The following ICA1 variants were observed in gnomAD, a reference collection of about 807,000 sequenced individuals.
The protein encoded by ICA1 is islet cell autoantigen 1.
A neutral mutation model predicts 71.0 loss-of-function variants in ICA1; 40 were observed. The observed-to-expected ratio is 0.56, with a 90% confidence interval of 0.44 to 0.73. ICA1 has a LOEUF of 0.73. Among genes scored for constraint, ICA1 ranks in the 30% least tolerant of loss-of-function variants. The pLI, the probability that ICA1 is intolerant of heterozygous loss-of-function variation, is 0.00. For synonymous variants in ICA1, 207 were observed against 209.5 expected (o/e 0.99, Z 0.10); for missense variants, 578 against 576.5 (o/e 1.00, Z -0.03).
intron 8 of ICA1, among the ~76,000 whole-genome samples, chr7:8,154,652 T>C (rs536287165): frequency 3.3e-5 from 5 of 152,308 alleles, no homozygotes; most frequent in East Asian, 3.9e-4. Context: ...AAAATGGCCA[T>C]TATCAACACA....
Position 8,218,352 on chromosome 7 carries a change from G to A in ICA1, c.532C>T (p.Gln178Ter). The A allele has an allele frequency of 6.2e-7, 1 of 1,614,098 alleles. No individual in the cohort carries two copies. The highest frequency in any genetic ancestry group is 8.5e-7 in the Non-Finnish European group (1 of 1,180,006). The change falls in exon 6 of 14, where the codon CAG (glutamine) becomes TAG (stop). Residue 178 changes from glutamine (Q) to a stop codon, truncating the protein, a stop_gained. Coordinates refer to ENST00000402384, the MANE Select transcript of ICA1 (RefSeq NM_001136020.3). LOFTEE classifies it high-confidence loss of function. Reference sequence around the variant, plus strand: ...TTGTAGAGGTCTGGATCAAGCTCCTGAGACACGTCCTTCATCCATAATAGT... The same window carrying A: ...TTGTAGAGGTCTGGATCAAGCTCCTAAGACACGTCCTTCATCCATAATAGT... The part of the protein sequence containing the change: ...GALLWMKDVS[Q>*]ELDPDLYKQM...
intron 8 of ICA1, among the ~76,000 whole-genome samples, chr7:8,146,722 TGTGC>T (rs1385863034): frequency 3.9e-5 from 2 of 51,272 alleles, no homozygotes; most frequent in African/African-American, 8.6e-5. Context: ...CAGGCACGTG[TGTGC>T]GTGTGTGTGC....
At chr7:8,242,082 G>A (rs1257798847) in intron 1 of ICA1, among the ~76,000 whole-genome samples, 1 of 152,086 alleles carries the variant, frequency 6.6e-6, no homozygotes, top group Non-Finnish European at 1.5e-5. Flanking sequence ...GACATCTACA[G>A]AACTCTCCAC....
intron 6 of ICA1, among the ~76,000 whole-genome samples, chr7:8,216,655 C>T (rs1795505504): frequency 6.6e-6 from 1 of 151,276 alleles, no homozygotes. Context: ...TTACCTGGCA[C>T]ATAGGAGGTG....
chr7:8,119,607 A>G (rs1410059720), intron 13 of ICA1, among the ~76,000 whole-genome samples: 1 of 152,214 alleles, frequency 6.6e-6, no homozygotes, highest in African/African-American at 2.4e-5. Flanking sequence ...GCACTTTGGG[A>G]AGCCAAAGCA....
At chr7:8,235,812 C>T in intron 2 of ICA1, 98 bp downstream of exon 2, 1 of 1,245,930 alleles carries the variant, frequency 8.0e-7, no homozygotes, top group Non-Finnish European at 1.2e-6. Context: ...ATACTTACTG[C>T]CAATGTATCT....
At chr7:8,231,037 G>A (rs1012495086) in intron 3 of ICA1, among the ~76,000 whole-genome samples, 1 of 150,280 alleles carries the variant, frequency 6.7e-6, no homozygotes. Context: ...TGAGTACTAC[G>A]AATAAAATAA....
chr7:8,149,809 G>C (rs1016194449), intron 8 of ICA1, among the ~76,000 whole-genome samples: 4 of 152,198 alleles, frequency 2.6e-5, no homozygotes, highest in Admixed American at 6.5e-5. Flanking sequence ...AAATAGTGGG[G>C]CATGTTTAAA....
rs1011105126 is a variant in ICA1 at position 8,222,219 on chromosome 7, C to T, written c.257-821G>A. Among the ~76,000 whole-genome samples the T allele has an allele frequency of 2.0e-5, 3 of 151,952 alleles. No homozygotes were observed. The highest frequency in any genetic ancestry group is 1.3e-4 in the Admixed American group (2 of 15,252). On this transcript the variant is annotated intron_variant, in intron 4 of 13. Transcript: ENST00000402384. This position sits in a 1 kb window ranked among gnomAD's most constrained non-coding sequence, Gnocchi z 4.8. Reference sequence around the variant, plus strand: ...AGCATCATTATTTATAATAGTGAAACACTCTCCTTATACTAGGAACTAGTT... The same window carrying T: ...AGCATCATTATTTATAATAGTGAAATACTCTCCTTATACTAGGAACTAGTT...
At chr7:8,115,856 A>G (rs1784627979) in intron 13 of ICA1, among the ~76,000 whole-genome samples, 1 of 152,202 alleles carries the variant, frequency 6.6e-6, no homozygotes, top group Non-Finnish European at 1.5e-5. Flanking sequence ...ACAACTATGA[A>G]ACCTGGCCCT....
intron 6 of ICA1, among the ~76,000 whole-genome samples, chr7:8,177,547 C>T (rs1377123404): frequency 6.6e-6 from 1 of 152,090 alleles, no homozygotes; most frequent in Non-Finnish European, 1.5e-5. Flanking sequence ...ATTGGTATTT[C>T]CTTTATTTTT....
At chr7:8,121,535 G>A (rs993569761) in intron 13 of ICA1, among the ~76,000 whole-genome samples, 5 of 152,108 alleles carry the variant, frequency 3.3e-5, no homozygotes, top group African/African-American at 9.7e-5. Flanking sequence ...ACTCATTTGC[G>A]GGAGCTAAAA....
chr7:8,176,647 C>T (rs532698350), intron 6 of ICA1, among the ~76,000 whole-genome samples: 3 of 152,182 alleles, frequency 2.0e-5, no homozygotes. Context: ...ACTCCTCAGG[C>T]CTTGCTTTTC....
chr7:8,236,551 C>T (rs559671139), intron 1 of ICA1, among the ~76,000 whole-genome samples: 10 of 152,170 alleles, frequency 6.6e-5, no homozygotes, highest in African/African-American at 2.4e-4. Context: ...AAGAAACAAA[C>T]CAGCACATTG....
intron 1 of ICA1, among the ~76,000 whole-genome samples, chr7:8,237,620 C>G (rs749478946): frequency 6.6e-6 from 1 of 152,094 alleles, no homozygotes; most frequent in Non-Finnish European, 1.5e-5. Context: ...CCCCAGCAAC[C>G]ACTATTCTAG....
In ICA1 at chr7:8,127,965, C is replaced by T. The variant is rs1789926751; in HGVS notation, c.1238G>A (p.Gly413Glu). Residue 413 changes from glycine to glutamate, a missense_variant, in exon 13 of 14, where the codon GGA becomes GAA. Transcript: ENST00000402384. ...TGTCTGGGCCTTGGGGTCTGGCTCT[C>T]CCAGGGCCATAGTGGGCACTGGCTC... ...VKEPVPTMAL[G>E]EPDPKAQTGS... 1.9e-6 allele frequency: 3 copies of T among 1,614,084 alleles called. No individual in the cohort carries two copies. The highest frequency in any genetic ancestry group is 2.5e-6 in the Non-Finnish European group (3 of 1,180,038).
Position 8,221,378 on chromosome 7 carries a change from C to G in ICA1, c.277G>C (p.Glu93Gln), listed in dbSNP as rs745319774. Residue 93 changes from glutamate to glutamine, a missense_variant, in exon 5 of 14, where the codon GAA (glutamate) becomes CAA (glutamine). Physicochemically the swap from Glu to Gln is conservative, Grantham distance 29. Transcript: ENST00000402384. ...TGGGATCGAAGAAATTTTCCCAGTT[C>G]GTTTTCTTCTTGAGACAAGACTGAT... is the stretch of plus-strand genomic sequence containing the variant. ...RICFLSQEEN[E>Q]LGKFLRSQGF... The G allele has an allele frequency of 3.7e-6, 6 of 1,613,258 alleles. No homozygotes were observed.
At chr7:8,241,688 C>A (rs1803951903) in intron 1 of ICA1, among the ~76,000 whole-genome samples, 1 of 152,104 alleles carries the variant, frequency 6.6e-6, no homozygotes, top group African/African-American at 2.4e-5. Context: ...GACAGAGACA[C>A]ACATAGGCTC....
intron 6 of ICA1, among the ~76,000 whole-genome samples, chr7:8,213,744 C>A (rs1383631658): frequency 6.6e-6 from 1 of 152,186 alleles, no homozygotes; most frequent in African/African-American, 2.4e-5. Flanking sequence ...GTGCCATAGA[C>A]CCAAACCTTC....
Sources: allele counts gnomAD v4.1 joint callset (sites outside exome capture counted in the v4.1 genomes callset), GRCh38; gene constraint gnomAD v4.1.1; non-coding constraint Gnocchi (gnomAD v3.1); transcripts MANE v1.5; gene names NCBI Gene and HGNC (gene_info 2026-07-23, HGNC 2026-07-21).